Variants in CCDC192 observed in about 807,000 individuals in gnomAD.
CCDC192 encodes coiled-coil domain-containing protein 192.
At chr5:127,897,478 G>T (rs1465122440) in intron 6 of CCDC192, among the ~76,000 whole-genome samples, 2 of 152,160 alleles carry the variant, frequency 1.3e-5, no homozygotes, top group African/African-American at 4.8e-5. Context: ...AGGCTCTCGG[G>T]TTCTAAGTGC....
At chr5:127,827,341 C>A (rs948061250) in intron 5 of CCDC192, among the ~76,000 whole-genome samples, 14 of 152,186 alleles carry the variant, frequency 9.2e-5, no homozygotes, top group African/African-American at 3.4e-4. Flanking sequence ...CTTCAAAGGG[C>A]AGTTTCTAGT....
intron 2 of CCDC192, among the ~76,000 whole-genome samples, chr5:127,713,416 T>G (rs1342136366): frequency 6.6e-6 from 1 of 152,208 alleles, no homozygotes; most frequent in Admixed American, 6.5e-5. Context: ...TGTGTTAGTT[T>G]CTTATTTGAT....
At position 127,828,547 on chromosome 5, in the gene CCDC192, TG is replaced by T. The variant is rs1304928075; in HGVS notation, c.411+30386del. 2.0e-5 allele frequency among the ~76,000 whole-genome samples: 3 copies of T among 152,208 alleles called. No individual in the cohort carries two copies. In the South Asian group the frequency reaches 6.2e-4, roughly 32 times the overall value. ...CAAACAACATGAAGATGATTGCCTG[TG>T]TCTCTTCTGGTACTTTCAGACCAGT... On this transcript the variant is annotated intron_variant, in intron 5 of 6. Transcript: ENST00000514853.
intron 5 of CCDC192, among the ~76,000 whole-genome samples, chr5:127,835,726 C>T (rs977016633): frequency 2.0e-5 from 3 of 152,066 alleles, no homozygotes; most frequent in African/African-American, 7.2e-5. Flanking sequence ...AGGGAAGAGT[C>T]CCTTATAAAA....
chr5:127,793,986 G>GT (rs1232045368), intron 3 of CCDC192, among the ~76,000 whole-genome samples: 2 of 152,302 alleles, frequency 1.3e-5, no homozygotes, highest in African/African-American at 4.8e-5. Flanking sequence ...AAGAACTTAA[G>GT]TTTTTTCTAT....
intron 3 of CCDC192, among the ~76,000 whole-genome samples, chr5:127,771,489 C>A (rs1045126424): frequency 1.3e-5 from 2 of 152,126 alleles, no homozygotes; most frequent in African/African-American, 4.8e-5. Flanking sequence ...TCAGTGGACA[C>A]CTTTCATTCA....
At chr5:127,729,639 A>G (rs1273814703) in intron 2 of CCDC192, among the ~76,000 whole-genome samples, 1 of 152,206 alleles carries the variant, frequency 6.6e-6, no homozygotes, top group Non-Finnish European at 1.5e-5. Context: ...TCCTCAGCAA[A>G]TGAAAACGAA....
chr5:127,868,359 G>A (rs1361014807), intron 5 of CCDC192, among the ~76,000 whole-genome samples: 3 of 152,142 alleles, frequency 2.0e-5, no homozygotes, highest in Admixed American at 1.3e-4. Flanking sequence ...GCTTCTTGGA[G>A]CTTTATATTA....
At chr5:127,808,710 T>G (rs559227225) in intron 5 of CCDC192, among the ~76,000 whole-genome samples, 1 of 152,294 alleles carries the variant, frequency 6.6e-6, no homozygotes, top group South Asian at 2.1e-4. Context: ...TTTCTTGACT[T>G]CTCAGTAAGA....
chr5:127,712,920 G>A (rs1580515125), intron 2 of CCDC192, among the ~76,000 whole-genome samples: 1 of 152,288 alleles, frequency 6.6e-6, no homozygotes, highest in South Asian at 2.1e-4. Context: ...GCAACCCTAT[G>A]AAGGTCAGCC....
At chr5:127,813,987 C>T (rs1758219485) in intron 5 of CCDC192, among the ~76,000 whole-genome samples, 1 of 152,162 alleles carries the variant, frequency 6.6e-6, no homozygotes, top group Non-Finnish European at 1.5e-5. Flanking sequence ...ACTATTTTTA[C>T]TGATCCTCAC....
chr5:127,869,727 A>T (rs1239033449), intron 5 of CCDC192, among the ~76,000 whole-genome samples: 2 of 152,156 alleles, frequency 1.3e-5, no homozygotes, highest in Non-Finnish European at 2.9e-5. Flanking sequence ...CTATAGGCAA[A>T]CTCTTCCCTT....
chr5:127,739,792 C>G (rs1025492695), intron 2 of CCDC192: 2 of 153,508 alleles, frequency 1.3e-5, no homozygotes, highest in Non-Finnish European at 1.4e-5. Flanking sequence ...CTTCGGCTCG[C>G]GCATGGTGTG....
chr5:127,856,117 G>A (rs1293762202), intron 5 of CCDC192, among the ~76,000 whole-genome samples: 1 of 152,204 alleles, frequency 6.6e-6, no homozygotes, highest in Non-Finnish European at 1.5e-5. Context: ...GTTGAAGGCT[G>A]TGTTGTCACC....
intron 2 of CCDC192, among the ~76,000 whole-genome samples, chr5:127,747,114 T>C (rs1753802119): frequency 1.4e-4 from 22 of 152,082 alleles, no homozygotes; most frequent in Admixed American, 1.4e-3. Flanking sequence ...ATTTATTTTT[T>C]TATTGTTATA....
rs759153551 is a variant in CCDC192, at chr5:127,837,368, T to C, written c.412-38170T>C. Among the ~76,000 whole-genome samples, 2 of 81,242 alleles carry C rather than the reference T, an allele frequency of 2.5e-5. 1 individual carries two copies. Among genetic ancestry groups the C allele is most frequent in the Non-Finnish European group, 5.9e-5 (2 of 34,078 alleles). The allele number at this position is 81,242 out of a possible 152,430, so 53.3% of individuals were successfully genotyped here. A position where few individuals can be genotyped will look rare whatever the true frequency, so the allele number is the denominator to read the frequency against. On this transcript the variant is annotated intron_variant, in intron 5 of 6. Transcript: ENST00000514853. ...TGGAAGAGGAAGCAGGCACATCTTA[T>C]ATAGTGGCAGGTGAGAGAGAAGTGC...
At chr5:127,741,185 C>T (rs7721957) in intron 2 of CCDC192, among the ~76,000 whole-genome samples, 1,994 of 152,200 alleles carry the variant, frequency 0.013, 19 homozygotes, top group African/African-American at 0.027. Context: ...CTCAGCTTCC[C>T]AAGTAGCTGG....
chr5:127,846,418 C>T (rs938607890), intron 5 of CCDC192, among the ~76,000 whole-genome samples: 2 of 152,080 alleles, frequency 1.3e-5, no homozygotes, highest in Non-Finnish European at 2.9e-5. Context: ...CCCACACACC[C>T]CTTACGCCCA....
At chr5:127,815,474 A>T (rs1356840279) in intron 5 of CCDC192, among the ~76,000 whole-genome samples, 1 of 152,130 alleles carries the variant, frequency 6.6e-6, no homozygotes, top group African/African-American at 2.4e-5. Flanking sequence ...GATTTCTATA[A>T]ATTCACAGAG....
Sources: allele counts gnomAD v4.1 joint callset (sites outside exome capture counted in the v4.1 genomes callset), GRCh38; gene constraint gnomAD v4.1.1; transcripts MANE v1.5; gene names NCBI Gene and HGNC (gene_info 2026-07-23, HGNC 2026-07-21).